MSN: variants seen among roughly 807,000 people sequenced by gnomAD.
The protein encoded by MSN is moesin.
A neutral mutation model predicts 48.0 loss-of-function variants in MSN; 2 were observed. The ratio of observed to expected loss-of-function variants is 0.04; its 90% CI spans 0.02 to 0.13. The LOEUF (loss-of-function observed/expected upper bound fraction) is 0.13. Among genes scored for constraint, MSN ranks in the 10% least tolerant of loss-of-function variants. The pLI, the probability that MSN is intolerant of heterozygous loss-of-function variation, is 1.00. For missense variants in MSN, 267 were observed against 470.1 expected (o/e 0.57, Z 3.99); for synonymous variants, 146 against 166.9 (o/e 0.87, Z 0.97).
intron 1 of MSN, among the ~76,000 whole-genome samples, chrX:65,615,989 C>T (rs1366253422): frequency 1.8e-5 from 2 of 111,131 alleles, no homozygotes; most frequent in African/African-American, 3.3e-5. Context: ...TTGTTTTTGT[C>T]AGGTTTGTCA....
chrX:65,673,340 A>T (rs996607356), intron 1 of MSN, among the ~76,000 whole-genome samples: 24 of 111,949 alleles, frequency 2.1e-4, no homozygotes, highest in African/African-American at 7.5e-4. Context: ...TTCTTCTAAC[A>T]TGGTGAGTGT....
chrX:65,640,493 G>A (rs1257334321), intron 1 of MSN, among the ~76,000 whole-genome samples: 4 of 111,612 alleles, frequency 3.6e-5, no homozygotes, highest in African/African-American at 6.5e-5. Context: ...GCAGTGAGCC[G>A]AGGTAGTGCC....
At chrX:65,657,575 T>A (rs1325615680) in intron 1 of MSN, among the ~76,000 whole-genome samples, 1 of 111,538 alleles carries the variant, frequency 9.0e-6, no homozygotes, top group Non-Finnish European at 1.9e-5. Context: ...TTGAAAAGCT[T>A]CCAGCTCTAT....
intron 1 of MSN, among the ~76,000 whole-genome samples, chrX:65,684,926 C>G (rs757229345): frequency 9.0e-6 from 1 of 111,375 alleles, no homozygotes; most frequent in Non-Finnish European, 1.9e-5. Flanking sequence ...TTTGTATGGA[C>G]AGGGTACTAG....
chrX:65,608,002 G>A (rs185017797), intron 1 of MSN, among the ~76,000 whole-genome samples: 1 of 112,312 alleles, frequency 8.9e-6, no homozygotes, highest in East Asian at 2.8e-4. Context: ...CACTGAAAGG[G>A]AGGCAGGGTG....
At chrX:65,675,983 G>A (rs1328013330) in intron 1 of MSN, among the ~76,000 whole-genome samples, 1 of 112,791 alleles carries the variant, frequency 8.9e-6, no homozygotes, top group Non-Finnish European at 1.9e-5. Flanking sequence ...GCCTAAGTAG[G>A]TATGTGAGAG....
At chrX:65,670,415 A>T (rs1408073843) in intron 1 of MSN, among the ~76,000 whole-genome samples, 1 of 110,437 alleles carries the variant, frequency 9.1e-6, no homozygotes, top group Non-Finnish European at 1.9e-5. Flanking sequence ...AGTCAGCCCA[A>T]CCTCCCCTAC....
chrX:65,603,352 A>G (rs2070253436), intron 1 of MSN, among the ~76,000 whole-genome samples: 2 of 111,736 alleles, frequency 1.8e-5, no homozygotes, highest in African/African-American at 6.5e-5. Flanking sequence ...CACTTTACAA[A>G]TGTTAACTCA....
chrX:65,615,147 T>A (rs958156582), intron 1 of MSN, among the ~76,000 whole-genome samples: 4 of 110,394 alleles, frequency 3.6e-5, no homozygotes, highest in Admixed American at 9.7e-5. Context: ...CTATTGTGAA[T>A]AATGCTACAA....
At chrX:65,661,638 C>T (rs1384445291) in intron 1 of MSN, among the ~76,000 whole-genome samples, 13 of 111,951 alleles carry the variant, frequency 1.2e-4, no homozygotes, top group Non-Finnish European at 2.4e-4. Flanking sequence ...AATTAGTTAG[C>T]GAGGAGCCCC....
intron 1 of MSN, among the ~76,000 whole-genome samples, chrX:65,639,039 A>G (rs2070628174): frequency 8.9e-6 from 1 of 112,735 alleles, no homozygotes; most frequent in South Asian, 3.6e-4. Context: ...ACCTTTAGAT[A>G]TCTCACTTGC....
chrX:65,669,736 C>T (rs2070911763), intron 1 of MSN, among the ~76,000 whole-genome samples: 1 of 110,763 alleles, frequency 9.0e-6, no homozygotes, highest in African/African-American at 3.3e-5. Context: ...GAATGGTCAA[C>T]TTTTAGGAAA....
chrX:65,636,581 C>T (rs1646971892), intron 1 of MSN, among the ~76,000 whole-genome samples: 1 of 107,132 alleles, frequency 9.3e-6, no homozygotes, highest in South Asian at 4.1e-4. Flanking sequence ...CCTGTCTCTA[C>T]TGAAAATACA....
At chrX:65,643,945 C>T in intron 1 of MSN, among the ~76,000 whole-genome samples, 1 of 111,425 alleles carries the variant, frequency 9.0e-6, no homozygotes, top group Non-Finnish European at 1.9e-5. Context: ...TGTTGGTCAC[C>T]CTACACAGGG....
At chrX:65,710,196 A>G (rs1391969514) in intron 1 of MSN, among the ~76,000 whole-genome samples, 1 of 112,361 alleles carries the variant, frequency 8.9e-6, no homozygotes, top group African/African-American at 3.2e-5. Flanking sequence ...CAGTGCAAAC[A>G]CTACTTTGAA....
Position 65,669,667 on chromosome X carries a change from A to AGAGGGCTGAATT in MSN, c.12+1815_12+1826dup, listed in dbSNP as rs1344147278. Reference sequence around the variant, plus strand: ...CTGAAACCTGAATCAAATTGGAAGGAGAGGGCTGAATTTTGATAGACTGGA... The same window carrying AGAGGGCTGAATT: ...CTGAAACCTGAATCAAATTGGAAGGAGAGGGCTGAATTGAGGGCTGAATTTTGATAGACTGGA... On this transcript the variant is annotated intron_variant, in intron 1 of 12. Transcript: ENST00000360270. Among the ~76,000 whole-genome samples the AGAGGGCTGAATT allele has an allele frequency of 2.3e-3, 260 of 111,065 alleles. 2 individuals are homozygous for AGAGGGCTGAATT. The highest frequency in any genetic ancestry group is 8.4e-3 in the African/African-American group (257 of 30,515).
At position 65,617,406 on chromosome X, in the gene MSN, G is replaced by T. The variant is rs1176336086; in HGVS notation, c.-22+28794G>T. On this transcript the variant is annotated intron_variant, in intron 1 of 3. Transcript: ENST00000609672. ...AGCTCCTGTTATTGGTCTATTCAGA[G>T]ATTCAACTTCTTCCTGGTTTAGTCT... Among the ~76,000 whole-genome samples, 6 of 107,110 alleles carry T rather than the reference G, an allele frequency of 5.6e-5. No homozygotes were observed. In the East Asian group the frequency reaches 1.7e-3, roughly 30 times the overall value. The allele number at this position is 107,110 out of a possible 115,157, so 93.0% of individuals were successfully genotyped here.
At chrX:65,648,838 G>C (rs935892184) in intron 1 of MSN, among the ~76,000 whole-genome samples, 2 of 110,020 alleles carry the variant, frequency 1.8e-5, no homozygotes, top group Admixed American at 9.8e-5. Flanking sequence ...ACTCCAGCCT[G>C]GGTGACAGTG....
chrX:65,666,031 G>C (rs2070865163), upstream of MSN, among the ~76,000 whole-genome samples: 2 of 111,491 alleles, frequency 1.8e-5, no homozygotes, highest in African/African-American at 6.5e-5. Flanking sequence ...ACTTTTTTTG[G>C]AGACGGAGTC....
Sources: gnomAD v4.1 joint callset for allele counts (sites outside exome capture counted in the v4.1 genomes callset) on GRCh38, gnomAD v4.1.1 for gene constraint, MANE v1.5 for transcripts, NCBI Gene and HGNC (gene_info 2026-07-23, HGNC 2026-07-21) for gene names.